FHOD3: variants seen among roughly 807,000 people sequenced by gnomAD.
FHOD3 encodes formin homology 2 domain containing 3.
Under a neutral mutation model 173.0 loss-of-function variants are expected in FHOD3, and 90 were observed. The ratio of observed to expected loss-of-function variants is 0.52; its 90% CI spans 0.44 to 0.62. The LOEUF is 0.62. Among genes scored for constraint, FHOD3 ranks in the 20% least tolerant of loss-of-function variants. FHOD3 has a pLI of 0.00. For missense variants in FHOD3, 1,945 were observed against 2,034.7 expected (o/e 0.96, Z 0.85); for synonymous variants, 828 against 823.0 (o/e 1.01, Z -0.10).
At chr18:36,482,107 G>A (rs2053932482) in intron 3 of FHOD3, among the ~76,000 whole-genome samples, 1 of 152,184 alleles carries the variant, frequency 6.6e-6, no homozygotes, top group South Asian at 2.1e-4. Flanking sequence ...AAGAGGAAGA[G>A]GGAAGGAGGG....
At chr18:36,497,805 G>GA (rs1176449726) in intron 3 of FHOD3, among the ~76,000 whole-genome samples, 2 of 152,108 alleles carry the variant, frequency 1.3e-5, no homozygotes, top group Non-Finnish European at 1.5e-5. Flanking sequence ...CAAGTAAATG[G>GA]AAAGTCAGTA....
intron 1 of FHOD3, among the ~76,000 whole-genome samples, chr18:36,310,159 A>G (rs2092218495): frequency 6.6e-6 from 1 of 152,220 alleles, no homozygotes; most frequent in South Asian, 2.1e-4. Context: ...TTGACATGAC[A>G]TTAAATGGAA....
intron 22 of FHOD3, among the ~76,000 whole-genome samples, chr18:36,743,308 C>CAAAAAAA (rs57694311): frequency 1.5e-5 from 1 of 65,876 alleles, no homozygotes; most frequent in Non-Finnish European, 2.7e-5. Context: ...GACTCTGTCT[C>CAAAAAAA]AAAAAAAAAA....
At chr18:36,615,927 G>T (rs2033154197) in intron 9 of FHOD3, among the ~76,000 whole-genome samples, 1 of 152,174 alleles carries the variant, frequency 6.6e-6, no homozygotes, top group South Asian at 2.1e-4. Context: ...CAACATATTT[G>T]CTGGCAGCAC....
chr18:36,506,951 A>G (rs1001476073), intron 4 of FHOD3, among the ~76,000 whole-genome samples: 3 of 152,192 alleles, frequency 2.0e-5, no homozygotes, highest in Admixed American at 1.3e-4. Flanking sequence ...TCTCCCCCCA[A>G]AATAAAATAT....
At chr18:36,387,788 C>T (rs994777908) in intron 3 of FHOD3, among the ~76,000 whole-genome samples, 2 of 152,134 alleles carry the variant, frequency 1.3e-5, no homozygotes, top group Non-Finnish European at 2.9e-5. Context: ...CTGGATGTCC[C>T]CTGGGCTTCT....
intron 1 of FHOD3, among the ~76,000 whole-genome samples, chr18:36,336,848 CAAAAAAAA>C (rs36099993): frequency 2.5e-4 from 9 of 35,800 alleles, no homozygotes; most frequent in African/African-American, 7.5e-4. Flanking sequence ...AACTCCGTCT[CAAAAAAAA>C]AAAAAAAAAA....
chr18:36,768,975 A>C (rs773604681), intron 27 of FHOD3, among the ~76,000 whole-genome samples: 7 of 152,186 alleles, frequency 4.6e-5, no homozygotes, highest in Admixed American at 6.5e-5. Context: ...GGAGAGTTAA[A>C]TAATAATGAG....
At chr18:36,345,461 C>T (rs1186972751) in intron 1 of FHOD3, among the ~76,000 whole-genome samples, 2 of 152,124 alleles carry the variant, frequency 1.3e-5, no homozygotes, top group African/African-American at 4.8e-5. Flanking sequence ...TTTATTGAGA[C>T]AGTGTCTCTC....
At chr18:36,637,898 G>GTTCTT (rs1236825409) in intron 10 of FHOD3, among the ~76,000 whole-genome samples, 5 of 152,198 alleles carry the variant, frequency 3.3e-5, no homozygotes, top group Non-Finnish European at 1.5e-5. Flanking sequence ...TGTTGTGGAT[G>GTTCTT]CCACCAGCAG....
intron 25 of FHOD3, among the ~76,000 whole-genome samples, chr18:36,757,808 A>C (rs537208579): frequency 6.6e-6 from 1 of 152,146 alleles, no homozygotes; most frequent in Non-Finnish European, 1.5e-5. Flanking sequence ...CATCCTGTGT[A>C]CAAAGTTGGT....
At chr18:36,318,886 A>T (rs1461313316) in intron 1 of FHOD3, among the ~76,000 whole-genome samples, 2 of 152,140 alleles carry the variant, frequency 1.3e-5, no homozygotes, top group Non-Finnish European at 2.9e-5. Flanking sequence ...TGTTATTTTG[A>T]GATACATTCC....
At chr18:36,553,583 T>C (rs1399235723) in intron 5 of FHOD3, among the ~76,000 whole-genome samples, 1 of 152,224 alleles carries the variant, frequency 6.6e-6, no homozygotes, top group East Asian at 1.9e-4. Flanking sequence ...CCATTTGTTC[T>C]AGACTTTCTA....
chr18:36,475,816 G>A (rs1474872582), intron 3 of FHOD3, among the ~76,000 whole-genome samples: 2 of 148,496 alleles, frequency 1.3e-5, no homozygotes, highest in Non-Finnish European at 1.5e-5. Context: ...ATATATAATT[G>A]TAATTCTTTT....
chr18:36,322,895 G>A (rs961823866), intron 1 of FHOD3, among the ~76,000 whole-genome samples: 16 of 152,178 alleles, frequency 1.1e-4, no homozygotes, highest in Non-Finnish European at 2.1e-4. Context: ...GCTGTCTGTT[G>A]AGTGCCAGGA....
chr18:36,707,443 G>A (rs1199071054), intron 17 of FHOD3, among the ~76,000 whole-genome samples: 1 of 152,242 alleles, frequency 6.6e-6, no homozygotes, highest in Non-Finnish European at 1.5e-5. Context: ...CCACGGAGGA[G>A]TGGGATTTGG....
intron 28 of FHOD3, among the ~76,000 whole-genome samples, chr18:36,770,666 A>G (rs1466773200): frequency 3.9e-5 from 6 of 152,166 alleles, no homozygotes; most frequent in Non-Finnish European, 8.8e-5. Context: ...AAGCTCCTAG[A>G]TGAGGTTAAT....
At chr18:36,347,518 G>A (rs1400454758) in intron 1 of FHOD3, among the ~76,000 whole-genome samples, 2 of 152,054 alleles carry the variant, frequency 1.3e-5, no homozygotes, top group Non-Finnish European at 2.9e-5. Flanking sequence ...TCTCTTGCTC[G>A]GTGGCCACAA....
chr18:36,607,216 G>A (rs1445860989), intron 8 of FHOD3, among the ~76,000 whole-genome samples: 1 of 152,198 alleles, frequency 6.6e-6, no homozygotes, highest in South Asian at 2.1e-4. Context: ...TCTAGGTTGA[G>A]GTCACCATGG....
Sources: allele counts gnomAD v4.1 joint callset (sites outside exome capture counted in the v4.1 genomes callset), GRCh38; gene constraint gnomAD v4.1.1; transcripts MANE v1.5; gene names NCBI Gene and HGNC (gene_info 2026-07-23, HGNC 2026-07-21).